The following AKAP7 variants were observed in gnomAD, a reference collection of about 807,000 sequenced individuals.
AKAP7 encodes the protein A kinase (PRKA) anchor protein 7.
In AKAP7, 39 loss-of-function variants were observed where a neutral mutation model predicts 39.5. That is an observed-to-expected ratio of 0.99 (90% CI 0.76 to 1.29). The LOEUF (loss-of-function observed/expected upper bound fraction) is 1.29, where lower values mean the gene tolerates loss of function less well. Among genes scored for constraint, AKAP7 ranks in the 50% most tolerant of loss-of-function variants. The pLI is 0.00. For synonymous variants in AKAP7, 140 were observed against 139.1 expected (o/e 1.01, Z -0.05); for missense variants, 414 against 407.7 (o/e 1.02, Z -0.13).
Position 131,239,738 on chromosome 6 carries a change from G to T in AKAP7, c.850+19930G>T, listed in dbSNP as rs116537392. On this transcript the variant is annotated intron_variant, in intron 7 of 7. Coordinates refer to ENST00000431975, the MANE Select transcript of AKAP7 (RefSeq NM_016377.4). ...TGTGCATTCGTCACATAGTTCTCGT[G>T]TCTTGGTTTTCAGCTTCATCAGGTC... Among the ~76,000 whole-genome samples, 1,171 of 152,294 alleles carry T rather than the reference G, an allele frequency of 7.7e-3. 18 individuals carry two copies. The highest frequency in any genetic ancestry group is 0.027 in the African/African-American group (1,115 of 41,542).
intron 1 of AKAP7, among the ~76,000 whole-genome samples, chr6:131,143,631 G>A (rs1434438042): frequency 1.3e-5 from 2 of 152,064 alleles, no homozygotes; most frequent in Admixed American, 1.3e-4. Context: ...ACAGGGGTGT[G>A]TGTGTGTGAA....
chr6:131,148,264 TTA>T (rs1190020914), intron 2 of AKAP7, among the ~76,000 whole-genome samples: 7 of 152,228 alleles, frequency 4.6e-5, no homozygotes, highest in African/African-American at 2.4e-5. Context: ...AATTCAGGCT[TTA>T]TGAGTTAAAA....
chr6:131,247,267 A>ATG (rs1243120847), intron 7 of AKAP7, among the ~76,000 whole-genome samples: 980 of 35,028 alleles, frequency 0.028, 24 homozygotes, highest in African/African-American at 0.073. Context: ...CACATTTCAT[A>ATG]TGTATATATA....
At position 131,184,594 on chromosome 6, in the gene AKAP7, C is replaced by T. The variant is rs1268560704; in HGVS notation, c.590-14867C>T. 8 of 735,286 alleles carry T rather than the reference C, an allele frequency of 1.1e-5. No homozygotes were observed. The East Asian group carries it at 2.0e-4, about 18-fold the overall frequency. 45.5% of individuals were successfully genotyped at this position (735,286 alleles called of 1,614,324 possible). ...GGTGAAATGGAGGCAAGATGGATGC[C>T]CTGAGCAGCCACAGTCGAAACAGGA... On this transcript the variant is annotated intron_variant, in intron 5 of 7. Coordinates refer to ENST00000431975, the MANE Select transcript of AKAP7 (RefSeq NM_016377.4).
At chr6:131,229,498 A>G (rs1328706728) in intron 7 of AKAP7, among the ~76,000 whole-genome samples, 3 of 151,976 alleles carry the variant, frequency 2.0e-5, no homozygotes, top group Non-Finnish European at 2.9e-5. Flanking sequence ...ACAGGTGCCT[A>G]CCACAGTACC....
chr6:131,159,614 G>T (rs1445648349), intron 2 of AKAP7, among the ~76,000 whole-genome samples: 1 of 152,184 alleles, frequency 6.6e-6, no homozygotes, highest in Non-Finnish European at 1.5e-5. Context: ...AGTGGCCCCA[G>T]ACCAAAACTT....
chr6:131,258,322 T>C (rs1365093076), intron 7 of AKAP7, among the ~76,000 whole-genome samples: 1 of 152,154 alleles, frequency 6.6e-6, no homozygotes, highest in African/African-American at 2.4e-5. Flanking sequence ...GACCTCAAAG[T>C]TTATTATGCC....
At chr6:131,214,863 T>G (rs986683367) in intron 6 of AKAP7, among the ~76,000 whole-genome samples, 2 of 152,160 alleles carry the variant, frequency 1.3e-5, no homozygotes, top group African/African-American at 4.8e-5. Flanking sequence ...GGCTTGAAAT[T>G]ATTATTCTGC....
intron 7 of AKAP7, among the ~76,000 whole-genome samples, chr6:131,246,623 C>T (rs1347442737): frequency 6.6e-6 from 1 of 152,046 alleles, no homozygotes; most frequent in Non-Finnish European, 1.5e-5. Context: ...TTTCTGTGCT[C>T]TTAATTGAGT....
chr6:131,269,416 G>C (rs767636136), intron 7 of AKAP7, among the ~76,000 whole-genome samples: 13 of 152,182 alleles, frequency 8.5e-5, no homozygotes, highest in Non-Finnish European at 1.6e-4. Context: ...AAAATGACTT[G>C]GAGTGGTCTT....
chr6:131,250,907 CAGA>C (rs1200479930), intron 7 of AKAP7, among the ~76,000 whole-genome samples: 2 of 152,128 alleles, frequency 1.3e-5, no homozygotes, highest in African/African-American at 4.8e-5. Flanking sequence ...ACATTAGAGT[CAGA>C]GTTTAGTTTT....
intron 5 of AKAP7, among the ~76,000 whole-genome samples, chr6:131,181,336 C>T (rs1455841298): frequency 6.6e-6 from 1 of 152,186 alleles, no homozygotes; most frequent in Admixed American, 6.5e-5. Context: ...CAGCATCAGT[C>T]ATTTTAGATA....
intron 2 of AKAP7, among the ~76,000 whole-genome samples, chr6:131,146,276 A>G (rs1455152929): frequency 6.6e-6 from 1 of 152,210 alleles, no homozygotes; most frequent in Non-Finnish European, 1.5e-5. Flanking sequence ...AACAATGCTT[A>G]CTTGATTGAA....
At chr6:131,210,437 T>G (rs969891690) in intron 6 of AKAP7, among the ~76,000 whole-genome samples, 1 of 152,190 alleles carries the variant, frequency 6.6e-6, no homozygotes, top group Non-Finnish European at 1.5e-5. Flanking sequence ...CTACAGGAAT[T>G]CCAGTTTTGT....
In AKAP7 at chr6:131,282,766, C is replaced by A; in HGVS notation, c.*1040C>A. 1.9e-6 allele frequency: 1 copy of A among 529,404 alleles called. No individual in the cohort carries two copies. Among genetic ancestry groups the A allele is most frequent in the Non-Finnish European group, 3.2e-6 (1 of 313,542 alleles). 32.8% of individuals were successfully genotyped at this position (529,404 alleles called of 1,614,324 possible). On this transcript the variant is annotated 3_prime_UTR_variant, in exon 8 of 8. Coordinates refer to ENST00000431975, the MANE Select transcript of AKAP7 (RefSeq NM_016377.4). ...TCTTGCCAAAGAAAATTGATTCTGC[C>A]CAATTATTTTTTGAGCTACACTTGT...
intron 2 of AKAP7, among the ~76,000 whole-genome samples, chr6:131,148,036 A>T (rs1190604398): frequency 2.6e-5 from 4 of 152,160 alleles, no homozygotes; most frequent in Non-Finnish European, 1.5e-5. Context: ...AAGGGGCTGG[A>T]TGTGTTTGTG....
At chr6:131,245,464 A>C (rs1485309349) in intron 7 of AKAP7, among the ~76,000 whole-genome samples, 2 of 148,656 alleles carry the variant, frequency 1.3e-5, no homozygotes, top group Non-Finnish European at 3.0e-5. Context: ...TTTTTAGTAG[A>C]GACGCGGTTT....
intron 2 of AKAP7, among the ~76,000 whole-genome samples, chr6:131,152,033 G>A (rs538398327): frequency 3.3e-5 from 5 of 152,124 alleles, no homozygotes; most frequent in Admixed American, 6.5e-5. Context: ...AAAATTACAC[G>A]TGGTGCTTCA....
intron 7 of AKAP7, among the ~76,000 whole-genome samples, chr6:131,253,879 G>T (rs1252638288): frequency 6.6e-6 from 1 of 151,930 alleles, no homozygotes. Context: ...TTCATCTATT[G>T]ATGGAAAGTT....
Sources: allele counts gnomAD v4.1 joint callset (sites outside exome capture counted in the v4.1 genomes callset), GRCh38; gene constraint gnomAD v4.1.1; transcripts MANE v1.5; gene names NCBI Gene and HGNC (gene_info 2026-07-23, HGNC 2026-07-21).